NDFIP2: variants seen among roughly 807,000 people sequenced by gnomAD.
NDFIP2 encodes Nedd4 family interacting protein 2, also known as NEDD4 family-interacting protein 2.
Under a neutral mutation model 36.0 loss-of-function variants are expected in NDFIP2, and 19 were observed. The ratio of observed to expected loss-of-function variants is 0.53; its 90% CI spans 0.37 to 0.77. The LOEUF is 0.77. Among genes scored for constraint, NDFIP2 ranks in the 30% least tolerant of loss-of-function variants. The pLI is 0.00. For synonymous variants in NDFIP2, 181 were observed against 167.7 expected, an observed-to-expected ratio of 1.08 and a Z score of -0.61; for missense variants, 446 against 435.8, an observed-to-expected ratio of 1.02 and a Z score of -0.21.
At chr13:79,512,593 G>A (rs1874119548) in intron 1 of NDFIP2, among the ~76,000 whole-genome samples, 1 of 152,202 alleles carries the variant, frequency 6.6e-6, no homozygotes, top group African/African-American at 2.4e-5. Context: ...GGCTTGGCAG[G>A]GTCTGATTGG....
At chr13:79,496,988 T>C (rs551284975) in intron 1 of NDFIP2, among the ~76,000 whole-genome samples, 1 of 152,222 alleles carries the variant, frequency 6.6e-6, no homozygotes, top group East Asian at 1.9e-4. Context: ...AATCCTTATA[T>C]GTTAACTATA....
chr13:79,527,768 T>C (rs1791388141), intron 2 of NDFIP2, among the ~76,000 whole-genome samples: 1 of 152,182 alleles, frequency 6.6e-6, no homozygotes, highest in African/African-American at 2.4e-5. Flanking sequence ...AAAAAACAAA[T>C]TAACTGTAAA....
At chr13:79,488,400 A>T (rs1035611606) in intron 1 of NDFIP2, among the ~76,000 whole-genome samples, 2 of 152,180 alleles carry the variant, frequency 1.3e-5, no homozygotes, top group South Asian at 4.1e-4. Context: ...AAAAAAAATT[A>T]TACAAATGAG....
chr13:79,520,345 A>G (rs1874520906), intron 1 of NDFIP2, among the ~76,000 whole-genome samples: 1 of 152,140 alleles, frequency 6.6e-6, no homozygotes, highest in African/African-American at 2.4e-5. Flanking sequence ...ACAATTGCAT[A>G]CTTCCTCTTC....
chr13:79,505,155 A>C (rs1345512768), intron 1 of NDFIP2, among the ~76,000 whole-genome samples: 1 of 152,200 alleles, frequency 6.6e-6, no homozygotes, highest in African/African-American at 2.4e-5. Flanking sequence ...CCAACACAAC[A>C]GTTACTGCCA....
chr13:79,548,760 T>C, intron 6 of NDFIP2, among the ~76,000 whole-genome samples: 1 of 152,136 alleles, frequency 6.6e-6, no homozygotes, highest in Middle Eastern at 3.4e-3. Context: ...ATCTGTTCTC[T>C]TATTTTTTGA....
chr13:79,541,061 C>T (rs921821302), intron 4 of NDFIP2, among the ~76,000 whole-genome samples: 2 of 152,036 alleles, frequency 1.3e-5, no homozygotes, highest in African/African-American at 4.8e-5. Flanking sequence ...AAACTTCTCA[C>T]AGTTTGTTTA....
At chr13:79,519,428 G>A (rs1874476798) in intron 1 of NDFIP2, among the ~76,000 whole-genome samples, 2 of 152,100 alleles carry the variant, frequency 1.3e-5, no homozygotes, top group African/African-American at 4.8e-5. Flanking sequence ...ATCTTAGTTT[G>A]TCTGCATGTA....
chr13:79,497,845 G>C (rs1463012106), intron 1 of NDFIP2, among the ~76,000 whole-genome samples: 1 of 145,014 alleles, frequency 6.9e-6, no homozygotes, highest in East Asian at 2.1e-4. Context: ...TGTACTTGTT[G>C]ATCTTGGTTT....
At chr13:79,496,883 A>T (rs2140739644) in intron 1 of NDFIP2, among the ~76,000 whole-genome samples, 1 of 151,308 alleles carries the variant, frequency 6.6e-6, no homozygotes, top group Non-Finnish European at 1.5e-5. Context: ...TATTTTTTAC[A>T]TTTTCTATTT....
At chr13:79,504,196 C>A (rs1479123387) in intron 1 of NDFIP2, among the ~76,000 whole-genome samples, 6 of 152,052 alleles carry the variant, frequency 3.9e-5, no homozygotes, top group African/African-American at 1.4e-4. Flanking sequence ...TACTATATAG[C>A]ATTTTGCTTT....
At chr13:79,510,597 T>C (rs1874048514) in intron 1 of NDFIP2, among the ~76,000 whole-genome samples, 2 of 151,992 alleles carry the variant, frequency 1.3e-5, no homozygotes, top group African/African-American at 4.8e-5. Context: ...TATACCATCT[T>C]GAGGTTATAG....
At chr13:79,542,661 A>G (rs1430162986) in intron 4 of NDFIP2, among the ~76,000 whole-genome samples, 2 of 152,100 alleles carry the variant, frequency 1.3e-5, no homozygotes, top group Non-Finnish European at 2.9e-5. Flanking sequence ...CAGTTTTTAA[A>G]GGGGTTATCT....
intron 6 of NDFIP2, 87 bp from the exon 7 acceptor site, chr13:79,550,930 A>T: frequency 4.3e-6 from 3 of 700,800 alleles, no homozygotes; most frequent in Non-Finnish European, 4.6e-6. Context: ...AGCCAAGAGG[A>T]TCTTGTTTAT....
In NDFIP2 at chr13:79,524,526, A is replaced by C. The variant is rs115509545; in HGVS notation, c.487+3551A>C. On this transcript the variant is annotated intron_variant, in intron 2 of 7. Coordinates refer to ENST00000218652, the MANE Select transcript of NDFIP2 (RefSeq NM_019080.3). The stretch of plus-strand genomic sequence containing the variant: ...GACTGACCAGATGATGCACTGGTCA[A>C]GGGACTGAAGCAATGAGGTTATATT... Among the ~76,000 whole-genome samples, 672 of 152,358 alleles carry C rather than the reference A, an allele frequency of 4.4e-3. 9 individuals are homozygous for C. The highest frequency in any genetic ancestry group is 0.014 in the African/African-American group (601 of 41,588).
intron 1 of NDFIP2, among the ~76,000 whole-genome samples, chr13:79,517,714 G>T (rs1440023606): frequency 1.3e-5 from 2 of 152,086 alleles, no homozygotes; most frequent in African/African-American, 4.8e-5. Flanking sequence ...TGTTTTATAG[G>T]CTCCAAAGCT....
rs181364731 is a variant in NDFIP2, at chr13:79,498,595, A to C, written c.321+17071A>C. 1.5e-4 allele frequency among the ~76,000 whole-genome samples: 23 copies of C among 152,146 alleles called. 1 individual carries two copies. The highest frequency in any genetic ancestry group is 3.3e-4 in the Admixed American group (5 of 15,256). Reference sequence around the variant, plus strand: ...GTGCTGCCATCTGTTGAGGGCCTTCATGCCATGTCATCCTATGTCAAAAAG... The same window carrying C: ...GTGCTGCCATCTGTTGAGGGCCTTCCTGCCATGTCATCCTATGTCAAAAAG... On this transcript the variant is annotated intron_variant, in intron 1 of 7. Coordinates refer to ENST00000218652, the MANE Select transcript of NDFIP2 (RefSeq NM_019080.3).
At chr13:79,496,157 G>A (rs1012804521) in intron 1 of NDFIP2, among the ~76,000 whole-genome samples, 2 of 151,790 alleles carry the variant, frequency 1.3e-5, no homozygotes, top group African/African-American at 2.4e-5. Context: ...TTGAAGACAC[G>A]TTTCCCTGTA....
intron 1 of NDFIP2, among the ~76,000 whole-genome samples, chr13:79,517,333 T>G (rs1176017248): frequency 6.6e-6 from 1 of 152,114 alleles, no homozygotes; most frequent in Non-Finnish European, 1.5e-5. Flanking sequence ...GTCTCCCCTC[T>G]CCTCCCTTTT....
Sources: allele counts gnomAD v4.1 joint callset (sites outside exome capture counted in the v4.1 genomes callset), GRCh38; gene constraint gnomAD v4.1.1; transcripts MANE v1.5; gene names NCBI Gene and HGNC (gene_info 2026-07-23, HGNC 2026-07-21).